ATG7: variants seen among roughly 807,000 people sequenced by gnomAD.
ATG7 encodes the protein autophagy related 7.
Under a neutral mutation model 82.4 loss-of-function variants are expected in ATG7, and 70 were observed. The ratio of observed to expected loss-of-function variants is 0.85; its 90% CI spans 0.70 to 1.04. ATG7 has a LOEUF of 1.04. Among genes scored for constraint, ATG7 ranks in the 50% least tolerant of loss-of-function variants. The probability of loss-of-function intolerance (pLI) is 0.00; values close to 1 mark genes in which losing one functional copy is unlikely to be tolerated. For synonymous variants in ATG7, 287 were observed against 313.0 expected, an observed-to-expected ratio of 0.92 and a Z score of 0.88; for missense variants, 792 against 864.3, an observed-to-expected ratio of 0.92 and a Z score of 1.05.
intron 19 of ATG7, among the ~76,000 whole-genome samples, chr3:11,402,154 T>G (rs957292730): frequency 6.6e-6 from 1 of 152,162 alleles, no homozygotes; most frequent in Non-Finnish European, 1.5e-5. Context: ...CTGCATAGAC[T>G]GGGCGTGGTT....
chr3:11,573,228 CAGAA>C, the ATG7 span, among the ~76,000 whole-genome samples: 8 of 128,644 alleles, frequency 6.2e-5, no homozygotes, highest in South Asian at 2.6e-4. Context: ...GAAAGACAGA[CAGAA>C]AGAAAAGAAA....
intron 20 of ATG7, among the ~76,000 whole-genome samples, chr3:11,514,340 G>A (rs1470192696): frequency 6.6e-6 from 1 of 152,184 alleles, no homozygotes; most frequent in African/African-American, 2.4e-5. Flanking sequence ...CTTTGAAGAT[G>A]GGCGTTTGCA....
At chr3:11,316,437 C>T (rs1274357016) in intron 9 of ATG7, among the ~76,000 whole-genome samples, 1 of 152,178 alleles carries the variant, frequency 6.6e-6, no homozygotes, top group East Asian at 1.9e-4. Flanking sequence ...ACATGTTCTA[C>T]TTGTGAAAAC....
At chr3:11,551,429 T>G (rs754705833) in intron 20 of ATG7, among the ~76,000 whole-genome samples, 1 of 152,276 alleles carries the variant, frequency 6.6e-6, no homozygotes, top group East Asian at 1.9e-4. Flanking sequence ...AATCGTCCTA[T>G]GCAGAAACAA....
intron 20 of ATG7, among the ~76,000 whole-genome samples, chr3:11,486,825 T>G (rs1427959650): frequency 7.1e-6 from 1 of 141,280 alleles, no homozygotes; most frequent in South Asian, 2.5e-4. Flanking sequence ...GTTCTGTTTT[T>G]TTTTTTTTTT....
At chr3:11,560,875 G>T (rs1375872265), downstream of ATG7, among the ~76,000 whole-genome samples, 1 of 152,196 alleles carries the variant, frequency 6.6e-6, no homozygotes, top group Non-Finnish European at 1.5e-5. Context: ...CTGTGGACAG[G>T]GCCTCGGGTG....
intron 20 of ATG7, among the ~76,000 whole-genome samples, chr3:11,463,832 G>A (rs2086572600): frequency 6.6e-6 from 1 of 152,082 alleles, no homozygotes; most frequent in Non-Finnish European, 1.5e-5. Flanking sequence ...TCATATGTGG[G>A]CCCAGCTGGC....
At chr3:11,561,396 T>C (rs1382055124), downstream of ATG7, among the ~76,000 whole-genome samples, 1 of 152,188 alleles carries the variant, frequency 6.6e-6, no homozygotes, top group Non-Finnish European at 1.5e-5. Context: ...CTTCAGGGCA[T>C]CTCCTGACCT....
chr3:11,325,033 C>G (rs1950671256), intron 9 of ATG7, among the ~76,000 whole-genome samples: 1 of 152,112 alleles, frequency 6.6e-6, no homozygotes, highest in Non-Finnish European at 1.5e-5. Context: ...TACACAAATA[C>G]CATTGTGTTA....
At chr3:11,518,872 TC>T (rs1405467504) in intron 20 of ATG7, among the ~76,000 whole-genome samples, 1 of 152,178 alleles carries the variant, frequency 6.6e-6, no homozygotes, top group Non-Finnish European at 1.5e-5. Context: ...AATCTTAATC[TC>T]CTATGACCCC....
At chr3:11,311,048 G>A (rs1377432228) in intron 7 of ATG7, among the ~76,000 whole-genome samples, 1 of 152,124 alleles carries the variant, frequency 6.6e-6, no homozygotes, top group East Asian at 1.9e-4. Context: ...CTGACAGTTT[G>A]CATTTAATGA....
At chr3:11,484,588 T>C (rs1213051402) in intron 20 of ATG7, among the ~76,000 whole-genome samples, 1 of 152,178 alleles carries the variant, frequency 6.6e-6, no homozygotes, top group Non-Finnish European at 1.5e-5. Flanking sequence ...TTAGGGTACA[T>C]GTGCACAATG....
At chr3:11,432,258 GC>G (rs2082961190) in intron 20 of ATG7, among the ~76,000 whole-genome samples, 1 of 152,160 alleles carries the variant, frequency 6.6e-6, no homozygotes, top group Admixed American at 6.5e-5. Flanking sequence ...AATGGATTTA[GC>G]TAGACAAAGG....
intron 20 of ATG7, among the ~76,000 whole-genome samples, chr3:11,502,987 C>G (rs1381752514): frequency 1.3e-5 from 2 of 152,108 alleles, no homozygotes; most frequent in East Asian, 3.9e-4. Flanking sequence ...AGCGTGTATA[C>G]CACTGAAAAT....
intron 18 of ATG7, among the ~76,000 whole-genome samples, chr3:11,375,649 T>G (rs894355904): frequency 6.6e-6 from 1 of 152,202 alleles, no homozygotes; most frequent in Non-Finnish European, 1.5e-5. Flanking sequence ...AACCTCTGCC[T>G]TCCGGTTTCA....
In ATG7 at chr3:11,557,120, C is replaced by T. The variant is rs2072503393; in HGVS notation, c.*2277C>T. The T allele has an allele frequency of 6.6e-6, 1 of 152,526 alleles. No individual in the cohort carries two copies. The highest frequency in any genetic ancestry group is 2.1e-4 in the South Asian group (1 of 4,824). 9.4% of individuals were successfully genotyped at this position (152,526 alleles called of 1,614,324 possible). ...CTGGTGGGCCAGGTGGGACACAGCA[C>T]ACCCCAGGGGGAGGGGATAGAAACG... On this transcript the variant is annotated 3_prime_UTR_variant, in exon 21 of 21. Transcript: ENST00000693202.
chr3:11,471,303 C>A (rs1025408730), intron 20 of ATG7, among the ~76,000 whole-genome samples: 16 of 152,154 alleles, frequency 1.1e-4, no homozygotes, highest in Non-Finnish European at 1.6e-4. Flanking sequence ...TTCTGCCTGG[C>A]AAACACCTAC....
chr3:11,511,581 C>CTG (rs1438396391), intron 20 of ATG7, among the ~76,000 whole-genome samples: 21 of 152,334 alleles, frequency 1.4e-4, no homozygotes, highest in Non-Finnish European at 2.4e-4. Flanking sequence ...CCTGCCAGTC[C>CTG]CGTACTGTGC....
At chr3:11,453,325 A>G (rs1180789672) in intron 20 of ATG7, among the ~76,000 whole-genome samples, 1 of 152,210 alleles carries the variant, frequency 6.6e-6, no homozygotes, top group Non-Finnish European at 1.5e-5. Flanking sequence ...TTTCAGAGTA[A>G]TTCTCAGGGT....
Sources: allele counts gnomAD v4.1 joint callset (sites outside exome capture counted in the v4.1 genomes callset), GRCh38; gene constraint gnomAD v4.1.1; transcripts MANE v1.5; gene names NCBI Gene and HGNC (gene_info 2026-07-23, HGNC 2026-07-21).